KLHL1: variants seen among roughly 807,000 people sequenced by gnomAD.
KLHL1 encodes kelch like family member 1.
Under a neutral mutation model 77.7 loss-of-function variants are expected in KLHL1, and 47 were observed. That is an observed-to-expected ratio of 0.60 (90% confidence interval 0.48 to 0.77). KLHL1 has a LOEUF of 0.77. Among genes scored for constraint, KLHL1 ranks in the 30% least tolerant of loss-of-function variants. The pLI, the probability that KLHL1 is intolerant of heterozygous loss-of-function variation, is 0.00. For missense variants in KLHL1, 925 were observed against 910.8 expected (o/e 1.02, Z -0.20); for synonymous variants, 360 against 325.2 (o/e 1.11, Z -1.15).
chr13:69,919,429 A>G (rs913850080), intron 4 of KLHL1, among the ~76,000 whole-genome samples: 2 of 152,164 alleles, frequency 1.3e-5, no homozygotes, highest in Non-Finnish European at 2.9e-5. Flanking sequence ...TTCTATCCAT[A>G]GAATTTAAAC....
chr13:69,814,644 A>T (rs1165447676), intron 6 of KLHL1, among the ~76,000 whole-genome samples: 8 of 152,188 alleles, frequency 5.3e-5, no homozygotes, highest in Non-Finnish European at 1.0e-4. Flanking sequence ...ACTCAACATC[A>T]CTAATCATCA....
intron 7 of KLHL1, among the ~76,000 whole-genome samples, chr13:69,761,419 T>TA (rs1566222734): frequency 1.3e-5 from 2 of 152,162 alleles, no homozygotes; most frequent in Non-Finnish European, 2.9e-5. Flanking sequence ...GGTTACAGTT[T>TA]ACTAGGTATG....
At chr13:70,092,117 A>C (rs181245967) in intron 1 of KLHL1, among the ~76,000 whole-genome samples, 37 of 152,308 alleles carry the variant, frequency 2.4e-4, no homozygotes, top group Admixed American at 2.4e-3. Context: ...CCAGATGAGA[A>C]ATAAACCAGC....
intron 5 of KLHL1, among the ~76,000 whole-genome samples, chr13:69,866,874 T>C (rs1376641003): frequency 6.6e-6 from 1 of 152,138 alleles, no homozygotes; most frequent in East Asian, 1.9e-4. Context: ...TTGTTGTTTT[T>C]GTAATTTATA....
At chr13:69,857,885 GA>G (rs1879983497) in intron 5 of KLHL1, among the ~76,000 whole-genome samples, 1 of 151,606 alleles carries the variant, frequency 6.6e-6, no homozygotes, top group Non-Finnish European at 1.5e-5. Flanking sequence ...ATTTTAGCAT[GA>G]AAAATATACT....
At chr13:69,980,302 G>A (rs188170464) in intron 1 of KLHL1, among the ~76,000 whole-genome samples, 19 of 152,232 alleles carry the variant, frequency 1.2e-4, no homozygotes, top group African/African-American at 4.3e-4. Flanking sequence ...TTACTCATGT[G>A]TTTTTTACTT....
intron 1 of KLHL1, among the ~76,000 whole-genome samples, chr13:70,078,483 CA>C (rs1306891610): frequency 1.3e-4 from 20 of 151,816 alleles, no homozygotes; most frequent in Non-Finnish European, 2.4e-4. Context: ...AAACACTCAA[CA>C]AAAAAATATG....
At chr13:69,949,902 T>A (rs60614038) in intron 3 of KLHL1, among the ~76,000 whole-genome samples, 20,939 of 151,686 alleles carry the variant, frequency 0.14, 2,370 homozygotes, top group African/African-American at 0.29. Flanking sequence ...AATTTGTACC[T>A]CTTTATTGGC....
intron 2 of KLHL1, among the ~76,000 whole-genome samples, chr13:69,965,802 T>C (rs1041980932): frequency 3.3e-5 from 5 of 151,834 alleles, no homozygotes; most frequent in Non-Finnish European, 7.4e-5. Flanking sequence ...AGAAAGTGAG[T>C]GGTCTGGGCA....
intron 7 of KLHL1, among the ~76,000 whole-genome samples, chr13:69,746,979 G>T: frequency 6.6e-6 from 1 of 152,110 alleles, no homozygotes; most frequent in East Asian, 1.9e-4. Flanking sequence ...GCCAGCCCTA[G>T]CTGCCAGATT....
chr13:69,847,249 A>G (rs1438402591), intron 5 of KLHL1, among the ~76,000 whole-genome samples: 2 of 151,404 alleles, frequency 1.3e-5, no homozygotes, highest in African/African-American at 4.8e-5. Flanking sequence ...GCCAGAAAAC[A>G]TTTACATTAT....
chr13:69,783,757 C>T (rs1056230879), intron 7 of KLHL1, among the ~76,000 whole-genome samples: 1 of 132,428 alleles, frequency 7.6e-6, no homozygotes, highest in African/African-American at 3.0e-5. Flanking sequence ...AAACACTCTG[C>T]GGGATATTAT....
intron 4 of KLHL1, among the ~76,000 whole-genome samples, chr13:69,933,794 G>GGGGGAAAAAAAAATACTT (rs1883082737): frequency 6.6e-6 from 1 of 151,436 alleles, no homozygotes; most frequent in Admixed American, 6.6e-5. Flanking sequence ...AAACAGAGAA[G>GGGGGAAAAAAAAATACTT]GGGGAAAAAA....
chr13:69,844,957 C>T (rs1170568619), intron 5 of KLHL1, among the ~76,000 whole-genome samples: 1 of 151,574 alleles, frequency 6.6e-6, no homozygotes, highest in African/African-American at 2.4e-5. Flanking sequence ...AGTATTCGAT[C>T]CAGGAAATAT....
At chr13:69,892,851 T>C (rs1228798971) in intron 4 of KLHL1, among the ~76,000 whole-genome samples, 1 of 152,206 alleles carries the variant, frequency 6.6e-6, no homozygotes, top group Non-Finnish European at 1.5e-5. Flanking sequence ...CATTATTCAA[T>C]GAGGAATACA....
rs1005282533 is a variant in KLHL1, at chr13:69,701,020, T to G, written c.*682A>C. On this transcript the variant is annotated 3_prime_UTR_variant, in exon 11 of 11. Coordinates refer to ENST00000377844, the MANE Select transcript of KLHL1 (RefSeq NM_020866.3). ...AAAATGGTAAGCCTAGTGAAAACAA[T>G]CCTTTGTGTTTGCCAGTTTCAGATT... The G allele has an allele frequency of 6.6e-6, 1 of 152,238 alleles. No individual in the cohort carries two copies. The highest frequency in any genetic ancestry group is 1.5e-5 in the Non-Finnish European group (1 of 67,814). The allele number at this position is 152,238 out of a possible 1,614,324, so 9.4% of individuals were successfully genotyped here.
chr13:70,104,276 A>G (rs1887994228), intron 1 of KLHL1, among the ~76,000 whole-genome samples: 1 of 152,202 alleles, frequency 6.6e-6, no homozygotes, highest in Admixed American at 6.5e-5. Flanking sequence ...GTAGTAGAGC[A>G]CTGAGATTTA....
At chr13:69,715,160 A>G (rs1876061053) in intron 9 of KLHL1, among the ~76,000 whole-genome samples, 1 of 152,192 alleles carries the variant, frequency 6.6e-6, no homozygotes, top group African/African-American at 2.4e-5. Context: ...CTTAGAAAGC[A>G]GGGCTCCTAA....
intron 1 of KLHL1, among the ~76,000 whole-genome samples, chr13:70,082,221 C>T (rs556489557): frequency 8.6e-5 from 13 of 151,374 alleles, no homozygotes; most frequent in Middle Eastern, 6.8e-3. Flanking sequence ...TATAAATTAC[C>T]CAGTTTCAAG....
Sources: allele counts gnomAD v4.1 joint callset (sites outside exome capture counted in the v4.1 genomes callset), GRCh38; gene constraint gnomAD v4.1.1; transcripts MANE v1.5; gene names NCBI Gene and HGNC (gene_info 2026-07-23, HGNC 2026-07-21).